The following CLIC5 variants were observed in gnomAD, a reference collection of about 807,000 sequenced individuals.
CLIC5 encodes CLIC family member 5, also known as chloride intracellular channel protein 5.
CLIC5 carries 20 observed loss-of-function variants against 24.7 expected under a neutral mutation model. The ratio of observed to expected loss-of-function variants is 0.81; its 90% CI spans 0.57 to 1.18. The LOEUF is 1.18. Among genes scored for constraint, CLIC5 ranks in the 50% most tolerant of loss-of-function variants. The probability of loss-of-function intolerance (pLI) is 0.00; values close to 1 mark genes in which losing one functional copy is unlikely to be tolerated. For missense variants in CLIC5, 341 were observed against 326.1 expected (o/e 1.05, Z -0.35); for synonymous variants, 159 against 135.6 (o/e 1.17, Z -1.20).
intron 4 of CLIC5, among the ~76,000 whole-genome samples, chr6:45,917,233 G>A (rs1217730280): frequency 6.6e-6 from 1 of 152,116 alleles, no homozygotes; most frequent in Non-Finnish European, 1.5e-5. Flanking sequence ...TCAATAACGG[G>A]ACTAAGGATC....
At chr6:45,917,226 A>G (rs570070877) in intron 4 of CLIC5, among the ~76,000 whole-genome samples, 10 of 152,288 alleles carry the variant, frequency 6.6e-5, no homozygotes, top group African/African-American at 1.7e-4. Flanking sequence ...TCTCATCTCA[A>G]TAACGGGACT....
chr6:46,068,660 A>T (rs1762507856), intron 1 of CLIC5, among the ~76,000 whole-genome samples: 1 of 152,132 alleles, frequency 6.6e-6, no homozygotes, highest in Non-Finnish European at 1.5e-5. Context: ...GTCTTTAAAG[A>T]GGTGATTAAG....
At chr6:46,108,968 T>C in the CLIC5 span, among the ~76,000 whole-genome samples, 10 of 152,310 alleles carry the variant, frequency 6.6e-5, no homozygotes, top group East Asian at 1.7e-3. Flanking sequence ...ATGGCAAGCA[T>C]TGTCAAATAA....
At chr6:46,041,895 A>G (rs1260268660) in intron 1 of CLIC5, among the ~76,000 whole-genome samples, 1 of 152,210 alleles carries the variant, frequency 6.6e-6, no homozygotes, top group African/African-American at 2.4e-5. Context: ...AATAAAGTTA[A>G]TGTTTATAAT....
At chr6:46,103,413 T>C in the CLIC5 span, among the ~76,000 whole-genome samples, 1 of 152,354 alleles carries the variant, frequency 6.6e-6, no homozygotes, top group Admixed American at 6.5e-5. Context: ...CAATCTGCAC[T>C]GATGCAGCTA....
At chr6:45,926,000 T>C (rs1235668618) in intron 4 of CLIC5, among the ~76,000 whole-genome samples, 3 of 152,028 alleles carry the variant, frequency 2.0e-5, no homozygotes, top group Non-Finnish European at 4.4e-5. Flanking sequence ...AAACTCATCT[T>C]AGGGTCCCCA....
At chr6:46,095,207 G>A in the CLIC5 span, among the ~76,000 whole-genome samples, 1 of 152,172 alleles carries the variant, frequency 6.6e-6, no homozygotes, top group Non-Finnish European at 1.5e-5. Context: ...TCTGTGATGG[G>A]ACGGGCTGCC....
At chr6:46,109,557 G>A in the CLIC5 span, among the ~76,000 whole-genome samples, 33 of 134,690 alleles carry the variant, frequency 2.5e-4, no homozygotes, top group Non-Finnish European at 4.0e-4. Context: ...AAGCTGATGC[G>A]TTCATGAGGA....
intron 1 of CLIC5, among the ~76,000 whole-genome samples, chr6:46,005,062 G>A (rs1018235288): frequency 2.0e-5 from 3 of 152,232 alleles, no homozygotes; most frequent in African/African-American, 7.2e-5. Flanking sequence ...GGAAGCAGAC[G>A]TGGACATTGA....
chr6:46,096,235 A>G, the CLIC5 span, among the ~76,000 whole-genome samples: 2 of 151,944 alleles, frequency 1.3e-5, no homozygotes, highest in Non-Finnish European at 2.9e-5. Context: ...TGATTCAATC[A>G]CCTCCCACCA....
chr6:46,101,875 C>A, the CLIC5 span, among the ~76,000 whole-genome samples: 1 of 151,874 alleles, frequency 6.6e-6, no homozygotes, highest in Non-Finnish European at 1.5e-5. Flanking sequence ...GCTAAATACC[C>A]CTAGAAATAA....
In CLIC5 at chr6:45,911,817, C is replaced by G. The variant is rs1017055535; in HGVS notation, c.588+2411G>C. 4 of 985,350 alleles carry G rather than the reference C, an allele frequency of 4.1e-6. No individual in the cohort carries two copies. In the African/African-American group the frequency reaches 7.0e-5, roughly 17 times the overall value. 61.0% of individuals were successfully genotyped at this position (985,350 alleles called of 1,614,324 possible). The stretch of plus-strand genomic sequence containing the variant: ...CAAGGAAAGGCCTGCAGATGCCTCT[C>G]CCAACGAAGACCTGTGCACCCTGGG... On this transcript the variant is annotated intron_variant, in intron 5 of 5. Transcript: ENST00000339561.
chr6:45,999,409 G>T lies in CLIC5; in HGVS notation c.63+16071C>A, dbSNP rs1323660431. Among the ~76,000 whole-genome samples the T allele has an allele frequency of 2.0e-5, 3 of 152,254 alleles. No individual in the cohort carries two copies. In the East Asian group the frequency reaches 5.8e-4, roughly 29 times the overall value. ...ATACTATGTGGATGTGGGTATTTCA[G>T]TTTTGGACCTCAAATCTCAGGAGAA... On this transcript the variant is annotated intron_variant, in intron 1 of 5. Transcript: ENST00000339561.
intron 4 of CLIC5, chr6:45,920,123 T>C (rs1487262073): frequency 4.1e-6 from 4 of 967,080 alleles, no homozygotes; most frequent in African/African-American, 1.8e-5. Flanking sequence ...CCCCATGCCT[T>C]ACCTTCCAAC....
At chr6:45,996,358 C>T (rs1417437921) in intron 1 of CLIC5, among the ~76,000 whole-genome samples, 2 of 151,966 alleles carry the variant, frequency 1.3e-5, no homozygotes, top group African/African-American at 4.8e-5. Context: ...TAATTAGATC[C>T]CATTTGTCAA....
chr6:46,034,913 G>A (rs995482011), intron 1 of CLIC5, among the ~76,000 whole-genome samples: 2 of 152,196 alleles, frequency 1.3e-5, no homozygotes, highest in African/African-American at 4.8e-5. Context: ...CGTAATAGCT[G>A]TATGGCCTTG....
intron 6 of CLIC5, among the ~76,000 whole-genome samples, chr6:45,885,235 G>C (rs548004544): frequency 6.6e-6 from 1 of 152,106 alleles, no homozygotes; most frequent in Non-Finnish European, 1.5e-5. Flanking sequence ...ATCTCACAGA[G>C]CTCTCTCGCC....
intron 1 of CLIC5, among the ~76,000 whole-genome samples, chr6:46,015,234 C>T (rs1413194756): frequency 6.6e-6 from 1 of 152,160 alleles, no homozygotes; most frequent in Non-Finnish European, 1.5e-5. Flanking sequence ...ACAGCGGAGG[C>T]GGGGACGGGG....
At chr6:46,110,358 C>A in the CLIC5 span, among the ~76,000 whole-genome samples, 1 of 152,214 alleles carries the variant, frequency 6.6e-6, no homozygotes, top group Non-Finnish European at 1.5e-5. Flanking sequence ...CTCCACCGGA[C>A]TTTGTCACCC....
Sources: gnomAD v4.1 joint callset for allele counts (sites outside exome capture counted in the v4.1 genomes callset) on GRCh38, gnomAD v4.1.1 for gene constraint, MANE v1.5 for transcripts, NCBI Gene and HGNC (gene_info 2026-07-23, HGNC 2026-07-21) for gene names.